Variants in SLC1A3 observed in about 807,000 individuals in gnomAD.
SLC1A3 encodes excitatory amino acid transporter 1.
Under a neutral mutation model 48.1 loss-of-function variants are expected in SLC1A3, and 21 were observed. The observed-to-expected ratio is 0.44, with a 90% CI of 0.31 to 0.63. The LOEUF (loss-of-function observed/expected upper bound fraction) is 0.63. Ranked by LOEUF, SLC1A3 falls within the 20% of genes least tolerant of loss-of-function variation. The probability of loss-of-function intolerance (pLI) is 0.08; values close to 1 mark genes in which losing one functional copy is unlikely to be tolerated. For synonymous variants in SLC1A3, 239 were observed against 251.4 expected, an observed-to-expected ratio of 0.95 and a Z score of 0.47; for missense variants, 546 against 689.0, an observed-to-expected ratio of 0.79 and a Z score of 2.32.
At chr5:36,637,110 C>T (rs756866234) in intron 3 of SLC1A3, among the ~76,000 whole-genome samples, 19 of 152,168 alleles carry the variant, frequency 1.2e-4, no homozygotes, top group Non-Finnish European at 1.9e-4. Context: ...AGGACTTCCA[C>T]CATCTTGATT....
intron 3 of SLC1A3, among the ~76,000 whole-genome samples, chr5:36,658,503 C>G (rs1741373856): frequency 6.6e-6 from 1 of 152,144 alleles, no homozygotes; most frequent in African/African-American, 2.4e-5. Context: ...AGACCGAAGT[C>G]CCCTGGTAAA....
At chr5:36,673,423 C>T (rs1364723283) in intron 4 of SLC1A3, among the ~76,000 whole-genome samples, 1 of 152,208 alleles carries the variant, frequency 6.6e-6, no homozygotes, top group Non-Finnish European at 1.5e-5. Context: ...TTGTCCCTCA[C>T]TCTACCCCCT....
At chr5:36,677,815 G>A (rs537331904) in intron 6 of SLC1A3, among the ~76,000 whole-genome samples, 17 of 152,180 alleles carry the variant, frequency 1.1e-4, no homozygotes, top group Non-Finnish European at 2.4e-4. Flanking sequence ...AAAAGCAAAC[G>A]GAGAGGCCCC....
At chr5:36,634,170 G>A (rs570534595) in intron 3 of SLC1A3, among the ~76,000 whole-genome samples, 1 of 152,056 alleles carries the variant, frequency 6.6e-6, no homozygotes, top group African/African-American at 2.4e-5. Flanking sequence ...CAGCTACTCG[G>A]GAGTCTGAGG....
chr5:36,686,511 C>T lies in SLC1A3; in HGVS notation c.*242C>T. ...ATGTTAGTCTTACCGAATAAGGTAC[C>T]AAGATCACAAATAGTGTTGATCAGA... On this transcript the variant is annotated 3_prime_UTR_variant, in exon 10 of 10. Coordinates refer to ENST00000265113, the MANE Select transcript of SLC1A3 (RefSeq NM_004172.5). 1 of 531,848 alleles carries T rather than the reference C, an allele frequency of 1.9e-6. No individual in the cohort carries two copies. The highest frequency in any genetic ancestry group is 2.1e-5 in the South Asian group (1 of 48,610). The allele number at this position is 531,848 out of a possible 1,614,324, so 32.9% of individuals were successfully genotyped here. A position where few individuals can be genotyped will look rare whatever the true frequency, so the allele number is the denominator to read the frequency against.
Position 36,676,929 on chromosome 5 carries a change from C to T in SLC1A3, c.605C>T (p.Pro202Leu). 1 of 1,613,802 alleles carries T rather than the reference C, an allele frequency of 6.2e-7. No individual in the cohort carries two copies. The highest frequency in any genetic ancestry group is 1.3e-5 in the African/African-American group (1 of 74,972). Residue 202 changes from proline (P) to leucine (L), a missense_variant, in exon 6 of 10, where the codon CCC (proline) becomes CTC (leucine). Physicochemically the swap from Pro to Leu is moderately conservative, Grantham distance 98. Transcript: ENST00000265113. Reference protein sequence around the residue: ...TNYEKRSFKVPIQANETLVGA... With the variant: ...TNYEKRSFKVLIQANETLVGA... ...TATGAGAAGAGAAGCTTTAAAGTGC[C>T]CATCCAGGCCAACGAAACGCTTGTG...
intron 2 of SLC1A3, among the ~76,000 whole-genome samples, chr5:36,616,149 C>A (rs376269278): frequency 6.6e-6 from 1 of 151,998 alleles, no homozygotes. Flanking sequence ...GAACTGAGAT[C>A]GTGCCACTGC....
intron 3 of SLC1A3, among the ~76,000 whole-genome samples, chr5:36,652,565 C>T (rs1741128225): frequency 6.6e-6 from 1 of 152,194 alleles, no homozygotes; most frequent in African/African-American, 2.4e-5. Context: ...TGTACAGTTA[C>T]AGACACAAAG....
At position 36,671,229 on chromosome 5, in the gene SLC1A3, A is replaced by T; in HGVS notation, c.520A>T (p.Ile174Phe). 6.2e-7 allele frequency: 1 copy of T among 1,610,566 alleles called. No homozygotes were observed. Among genetic ancestry groups the T allele is most frequent in the Non-Finnish European group, 8.5e-7 (1 of 1,177,010 alleles). The change falls in exon 4 of 10, where the codon ATC becomes TTC. Residue 174 changes from isoleucine (I) to phenylalanine (F), a missense_variant. This residue lies in a region of SLC1A3 where 348 missense variants were observed against 392.0 expected (regional missense o/e 0.89). Transcript: ENST00000265113. Reference sequence around the variant, plus strand: ...AGCTGCAGATGCCTTCCTGGACTTGATCAGGTATGTCCTTGCAAGCCCGTC... The same window carrying T: ...AGCTGCAGATGCCTTCCTGGACTTGTTCAGGTATGTCCTTGCAAGCCCGTC... ...VTAADAFLDLIRNMFPPNLVE... is the reference protein window; with the variant it reads ...VTAADAFLDLFRNMFPPNLVE...
upstream of SLC1A3, among the ~76,000 whole-genome samples, chr5:36,606,103 T>G (rs1417159605): frequency 6.6e-6 from 1 of 152,216 alleles, no homozygotes; most frequent in African/African-American, 2.4e-5. Flanking sequence ...TTAGACAAAT[T>G]TAGAGAATCG....
At chr5:36,663,540 C>T (rs1445170447) in intron 3 of SLC1A3, among the ~76,000 whole-genome samples, 1 of 151,892 alleles carries the variant, frequency 6.6e-6, no homozygotes, top group Admixed American at 6.6e-5. Context: ...CGCGCCCGGC[C>T]CTGCACTTAG....
At chr5:36,664,142 G>T (rs1255633968) in intron 3 of SLC1A3, among the ~76,000 whole-genome samples, 1 of 152,136 alleles carries the variant, frequency 6.6e-6, no homozygotes, top group East Asian at 1.9e-4. Context: ...TGCTGTTGTT[G>T]TTGTTTTTAG....
chr5:36,612,480 G>T (rs762330105), intron 2 of SLC1A3, among the ~76,000 whole-genome samples: 3 of 151,970 alleles, frequency 2.0e-5, no homozygotes, highest in Non-Finnish European at 4.4e-5. Flanking sequence ...AGCTACTTGG[G>T]GGGGCTGAAG....
chr5:36,608,764 T>G, intron 2 of SLC1A3, 160 bp downstream of exon 2: 1 of 1,448,722 alleles, frequency 6.9e-7, no homozygotes, highest in Non-Finnish European at 9.0e-7. Flanking sequence ...ATGACTGTTT[T>G]GGCTTGTTTG....
In SLC1A3 at chr5:36,686,500, G is replaced by A. The variant is rs180855098; in HGVS notation, c.*231G>A. The stretch of plus-strand genomic sequence containing the variant: ...TAAATCATTTCATGTTAGTCTTACC[G>A]AATAAGGTACCAAGATCACAAATAG... On this transcript the variant is annotated 3_prime_UTR_variant, in exon 10 of 10. Coordinates refer to ENST00000265113, the MANE Select transcript of SLC1A3 (RefSeq NM_004172.5). 1.2e-3 allele frequency: 645 copies of A among 549,054 alleles called. 1 individual carries two copies. Among genetic ancestry groups the A allele is most frequent in the Middle Eastern group, 2.0e-3 (4 of 2,006 alleles). 34.0% of individuals were successfully genotyped at this position (549,054 alleles called of 1,614,324 possible).
At position 36,679,682 on chromosome 5, in the gene SLC1A3, G is replaced by A. The variant is rs1325669692; in HGVS notation, c.916G>A (p.Asp306Asn). 6.2e-7 allele frequency: 1 copy of A among 1,614,080 alleles called. No homozygotes were observed. The highest frequency in any genetic ancestry group is 1.3e-5 in the African/African-American group (1 of 74,926). The change falls in exon 7 of 10, where the codon GAC (aspartate) becomes AAC (asparagine). Residue 306 changes from aspartate (D) to asparagine (N), a missense_variant. Asp to Asn is a conservative substitution (Grantham distance 23). Around this residue, in one of 3 missense-constraint regions of SLC1A3, gnomAD observed 348 missense variants for 392.0 expected, o/e 0.89. Coordinates refer to ENST00000265113, the MANE Select transcript of SLC1A3 (RefSeq NM_004172.5). ...LIAGKIVEMEDMGVIGGQLAM... is the reference protein window; with the variant it reads ...LIAGKIVEMENMGVIGGQLAM... ...TGCTGGGAAGATTGTGGAGATGGAA[G>A]ACATGGGTGTGATTGGGGGGCAGCT...
chr5:36,601,403 C>T (rs1195188318), intron 1 of SLC1A3, among the ~76,000 whole-genome samples: 1 of 152,200 alleles, frequency 6.6e-6, no homozygotes, highest in Non-Finnish European at 1.5e-5. Flanking sequence ...ATTGGCATGA[C>T]ATGATTTAGA....
At chr5:36,644,250 C>T (rs1338281637) in intron 3 of SLC1A3, among the ~76,000 whole-genome samples, 1 of 151,942 alleles carries the variant, frequency 6.6e-6, no homozygotes, top group African/African-American at 2.4e-5. Context: ...TGCTCTTATC[C>T]GTGTGATACA....
chr5:36,636,508 T>TTCTTTCTTTCTTTCTTTCTTTCTCTTC (rs1561255369), intron 3 of SLC1A3: 1 of 139,116 alleles, frequency 7.2e-6, no homozygotes, highest in African/African-American at 2.7e-5. Context: ...TCTTTCTTTT[T>TTCTTTCTTTCTTTCTTTCTTTCTCTTC]CTTTCTTTCT....
Sources: gnomAD v4.1 joint callset for allele counts (sites outside exome capture counted in the v4.1 genomes callset) on GRCh38, gnomAD v4.1.1 for gene constraint, gnomAD v4.1.1 regional missense constraint, MANE v1.5 for transcripts, NCBI Gene and HGNC (gene_info 2026-07-23, HGNC 2026-07-21) for gene names.